PTPRJ: variants seen among roughly 807,000 people sequenced by gnomAD.
PTPRJ encodes the protein protein tyrosine phosphatase receptor type J.
Under a neutral mutation model 141.3 loss-of-function variants are expected in PTPRJ, and 129 were observed. The observed-to-expected ratio is 0.91, with a 90% CI of 0.79 to 1.06. The LOEUF is 1.06. Ranked by LOEUF, PTPRJ falls within the 50% of genes least tolerant of loss-of-function variation. The probability of loss-of-function intolerance (pLI) is 0.00; values close to 1 mark genes in which losing one functional copy is unlikely to be tolerated. For synonymous variants in PTPRJ, 610 were observed against 640.5 expected (o/e 0.95, Z 0.72); for missense variants, 1,601 against 1,679.7 (o/e 0.95, Z 0.82).
chr11:48,139,889 C>G, intron 11 of PTPRJ, 113 bp downstream of exon 11: 2 of 1,134,502 alleles, frequency 1.8e-6, no homozygotes, highest in Non-Finnish European at 2.5e-6. Context: ...TTTTTATTTC[C>G]CCTAAAATAT....
chr11:48,064,946 C>T (rs1376597484), intron 1 of PTPRJ, among the ~76,000 whole-genome samples: 2 of 149,492 alleles, frequency 1.3e-5, no homozygotes, highest in Admixed American at 6.7e-5. Flanking sequence ...AATAGGGAAA[C>T]TGAAGGAAGA....
intron 16 of PTPRJ, chr11:48,149,700 C>T: frequency 5.6e-6 from 3 of 534,026 alleles, no homozygotes; most frequent in South Asian, 5.5e-5. Context: ...TTCTACTCTT[C>T]TACCAATAAA....
In PTPRJ at chr11:47,980,607, AG is replaced by A; in HGVS notation, c.-305del. ...AGGAGGCAGCGGGAGCAGCCGCGGG[AG>A]CCGGGACCGGGTAGCCGCGCGCTGG... On this transcript the variant is annotated 5_prime_UTR_variant, in exon 1 of 25. An upstream open reading frame in the 5' UTR gains an earlier in-frame stop. Transcript: ENST00000418331. 1.0e-6 allele frequency: 1 copy of A among 983,102 alleles called. No individual in the cohort carries two copies. The highest frequency in any genetic ancestry group is 1.2e-6 in the Non-Finnish European group (1 of 829,434). The allele number at this position is 983,102 out of a possible 1,614,324, so 60.9% of individuals were successfully genotyped here.
At chr11:48,155,745 C>T in intron 19 of PTPRJ, 56 bp from the exon 20 acceptor site, 1 of 1,423,588 alleles carries the variant, frequency 7.0e-7, no homozygotes, top group Non-Finnish European at 9.7e-7. Context: ...GTTTTGTGTC[C>T]AACTTTACTA....
chr11:48,150,120 T>G lies in PTPRJ; in HGVS notation c.3075T>G (p.Asn1025Lys), dbSNP rs1478752543. The change falls in exon 18 of 25, where the codon AAT (asparagine) becomes AAG (lysine). Residue 1025 changes from asparagine (N) to lysine (K), a missense_variant. Asn to Lys is a moderately conservative substitution (Grantham distance 94). Transcript: ENST00000418331. Reference protein sequence around the residue: ...PKKSKLIRVENFEAYFKKQQA... With the variant: ...PKKSKLIRVEKFEAYFKKQQA... ...GATCTAAGTTAATCAGAGTGGAGAA[T>G]TTTGAGGCCTACTTCAAGAAGCAGC... The G allele has an allele frequency of 6.2e-7, 1 of 1,614,078 alleles. No homozygotes were observed. The highest frequency in any genetic ancestry group is 8.5e-7 in the Non-Finnish European group (1 of 1,179,946).
intron 1 of PTPRJ, among the ~76,000 whole-genome samples, chr11:48,089,490 T>C (rs1181404589): frequency 1.5e-5 from 2 of 132,268 alleles, no homozygotes; most frequent in Non-Finnish European, 3.1e-5. Context: ...TACTCTAGCC[T>C]GGGCAACGGA....
chr11:48,017,138 C>T (rs1854973067), intron 1 of PTPRJ, among the ~76,000 whole-genome samples: 1 of 152,158 alleles, frequency 6.6e-6, no homozygotes, highest in Non-Finnish European at 1.5e-5. Context: ...AGAGATGTTA[C>T]ATAGTGGAGT....
intron 8 of PTPRJ, among the ~76,000 whole-genome samples, chr11:48,132,924 G>C (rs894220793): frequency 6.6e-6 from 1 of 152,182 alleles, no homozygotes; most frequent in Non-Finnish European, 1.5e-5. Context: ...CTGTTGACAT[G>C]ACGTCTTAAC....
At chr11:48,056,940 G>A (rs1381039002) in intron 1 of PTPRJ, among the ~76,000 whole-genome samples, 2 of 152,196 alleles carry the variant, frequency 1.3e-5, no homozygotes, top group African/African-American at 4.8e-5. Flanking sequence ...GGCGACAAGA[G>A]CGAAACTCTG....
At chr11:48,009,088 A>G (rs1228034) in intron 1 of PTPRJ, among the ~76,000 whole-genome samples, 12,050 of 152,250 alleles carry the variant, frequency 0.079, 1,629 homozygotes, top group African/African-American at 0.27. Flanking sequence ...GTGAGGACAC[A>G]ATGGGATGAA....
rs759176383 is a variant in PTPRJ at position 48,142,895 on chromosome 11, ATGTTT to A, written c.2444-7_2444-3del. The A allele has an allele frequency of 6.2e-6, 10 of 1,602,646 alleles. No homozygotes were observed. In the South Asian group the frequency reaches 7.8e-5, roughly 13 times the overall value. ...CTTTGGTTTTCAATATTGGGTGATCATGTTTTGTTTTGTTTTGTTTTAGATCCCCC... is the reference window on the plus strand; with the variant it reads ...CTTTGGTTTTCAATATTGGGTGATCATGTTTTGTTTTGTTTTAGATCCCCC... On this transcript the variant is annotated intron_variant, in intron 11 of 24. Coordinates refer to ENST00000418331, the MANE Select transcript of PTPRJ (RefSeq NM_002843.4).
chr11:48,084,210 T>G (rs1220808287), intron 1 of PTPRJ, among the ~76,000 whole-genome samples: 1 of 152,160 alleles, frequency 6.6e-6, no homozygotes. Flanking sequence ...CTTGCTCTGT[T>G]TCCCAGGCTG....
intron 1 of PTPRJ, among the ~76,000 whole-genome samples, chr11:48,029,479 G>C (rs1853923655): frequency 6.6e-6 from 1 of 152,106 alleles, no homozygotes; most frequent in African/African-American, 2.4e-5. Flanking sequence ...CTAGTCATGT[G>C]ATCTACAGCA....
Position 48,121,035 on chromosome 11 carries a change from T to C in PTPRJ, c.385T>C (p.Ser129Pro). 2 of 1,609,566 alleles carry C rather than the reference T, an allele frequency of 1.2e-6. No homozygotes were observed. The highest frequency in any genetic ancestry group is 8.5e-7 in the Non-Finnish European group (1 of 1,177,544). The change falls in exon 4 of 25, where the codon TCC becomes CCC. Residue 129 changes from serine (S) to proline (P), a missense_variant. Physicochemically the swap from Ser to Pro is moderately conservative, Grantham distance 74 (BLOSUM62 -1). Transcript: ENST00000418331. ...TCCTGTGTTTGACATTAAAGCTGTT[T>C]CCATCAGTCCAACCAATGTGATCTT... is the stretch of plus-strand genomic sequence containing the variant. ...PSPVFDIKAV[S>P]ISPTNVILTW...
intron 22 of PTPRJ, among the ~76,000 whole-genome samples, chr11:48,162,879 T>C (rs1229892493): frequency 6.6e-6 from 1 of 151,980 alleles, no homozygotes; most frequent in Non-Finnish European, 1.5e-5. Flanking sequence ...TTTGGGGGAG[T>C]CCTTTCTCAG....
chr11:48,093,805 A>G (rs1180938321), intron 1 of PTPRJ, among the ~76,000 whole-genome samples: 1 of 152,016 alleles, frequency 6.6e-6, no homozygotes, highest in African/African-American at 2.4e-5. Context: ...AAAAAAAAAA[A>G]AAGAAAAAGA....
At chr11:48,130,096 C>T (rs1856935018) in intron 7 of PTPRJ, among the ~76,000 whole-genome samples, 1 of 150,666 alleles carries the variant, frequency 6.6e-6, no homozygotes, top group Non-Finnish European at 1.5e-5. Context: ...CTCTGCTGTC[C>T]CTCCCTGAAC....
In PTPRJ at chr11:48,137,229, A is replaced by G. The variant is rs1435554476; in HGVS notation, c.2100A>G (p.Gln700=). ...CATACACAGTGGAGATCTTTGCACA[A>G]GTAGGGGATGGGATCAAGTCACTGG... The part of the protein sequence containing the change: ...GSSYTVEIFA[Q]VGDGIKSLEP... Residue 700 remains glutamine (Q), a synonymous_variant, in exon 10 of 25, where the codon CAA becomes CAG. Transcript: ENST00000418331. 3 of 1,613,916 alleles carry G rather than the reference A, an allele frequency of 1.9e-6. No individual in the cohort carries two copies. Among genetic ancestry groups the G allele is most frequent in the African/African-American group, 1.3e-5 (1 of 74,924 alleles).
At chr11:48,113,267 A>G (rs1856484248) in intron 3 of PTPRJ, among the ~76,000 whole-genome samples, 2 of 152,172 alleles carry the variant, frequency 1.3e-5, no homozygotes, top group South Asian at 2.1e-4. Flanking sequence ...TATATGTTTT[A>G]TTTTGTTTTA....
Sources: gnomAD v4.1 joint callset for allele counts (sites outside exome capture counted in the v4.1 genomes callset) on GRCh38, gnomAD v4.1.1 for gene constraint, MANE v1.5 for transcripts, NCBI Gene and HGNC (gene_info 2026-07-23, HGNC 2026-07-21) for gene names.